The following NEB variants were observed in gnomAD, a reference collection of about 807,000 sequenced individuals.
NEB encodes nebulin.
In NEB, 512 loss-of-function variants were observed where a neutral mutation model predicts 952.2. The observed-to-expected ratio is 0.54, with a 90% CI of 0.50 to 0.58. NEB has a LOEUF of 0.58. NEB is among the 20% of genes least tolerant of loss of function. The probability of loss-of-function intolerance (pLI) is 0.00; values close to 1 mark genes in which losing one functional copy is unlikely to be tolerated. For missense variants in NEB, 8,428 were observed against 9,231.1 expected, an observed-to-expected ratio of 0.91 and a Z score of 3.56; for synonymous variants, 2,900 against 3,149.8, an observed-to-expected ratio of 0.92 and a Z score of 2.66.
chr2:151,643,400 A>C (rs1427090678), intron 57 of NEB, 47 bp from the exon 58 acceptor site: 3 of 1,394,710 alleles, frequency 2.2e-6, no homozygotes, highest in Admixed American at 4.4e-5. Context: ...CATTTATCAC[A>C]ATTTGTCATA....
Position 151,619,473 on chromosome 2 carries a change from T to C in NEB, c.10850A>G (p.Lys3617Arg). 3 of 1,608,770 alleles carry C rather than the reference T, an allele frequency of 1.9e-6. No individual in the cohort carries two copies. Among genetic ancestry groups the C allele is most frequent in the Non-Finnish European group, 2.6e-6 (3 of 1,175,990 alleles). ...TACGTCACTCTGGAGGTCATAGGCT[T>C]TCCGTGCATGAATGATGTCATTCTG... ...PDQNDIIHAR[K>R]AYDLQSDNLY... is the part of the protein sequence containing the mutation. The change falls in exon 73 of 182, where the codon AAA becomes AGA. Residue 3617 changes from lysine to arginine, a missense_variant. Lys to Arg is a conservative substitution (Grantham distance 26). Coordinates refer to ENST00000397345, the MANE Select transcript of NEB (RefSeq NM_001164508.2).
At chr2:151,514,258 T>C in intron 159 of NEB, 60 bp downstream of exon 159, 1 of 1,208,260 alleles carries the variant, frequency 8.3e-7, no homozygotes, top group Non-Finnish European at 1.2e-6. Flanking sequence ...CTGGTGTAAT[T>C]TGGCTAACAA....
Position 151,516,563 on chromosome 2 carries a change from C to T in NEB, c.22801G>A (p.Val7601Met). Residue 7601 changes from valine (V) to methionine (M), a missense_variant and splice_region_variant, in exon 157 of 182, where the codon GTG (valine) becomes ATG (methionine). By Grantham distance (21) the Val-to-Met change is conservative. Around this residue, in one of 11 missense-constraint regions of NEB, gnomAD observed 3,374 missense variants for 3,651.5 expected, o/e 0.92. Transcript: ENST00000397345. Reference sequence around the variant, plus strand: ...TTTTCATACTTTTCTTTGTATTTCACCTGGTGATAGAAAGCCATGTTAGAT... The same window carrying T: ...TTTTCATACTTTTCTTTGTATTTCATCTGGTGATAGAAAGCCATGTTAGAT... ...LKEATELQSIVKYKEKYEKER... is the reference protein window; with the variant it reads ...LKEATELQSIMKYKEKYEKER... 6.3e-7 allele frequency: 1 copy of T among 1,595,056 alleles called. No individual in the cohort carries two copies. Among genetic ancestry groups the T allele is most frequent in the Non-Finnish European group, 8.6e-7 (1 of 1,164,480 alleles).
chr2:151,658,953 C>A, intron 47 of NEB, 112 bp downstream of exon 47: 2 of 891,868 alleles, frequency 2.2e-6, no homozygotes, highest in Non-Finnish European at 3.8e-6. Context: ...TGGATTTCCA[C>A]CATTATTTTT....
intron 13 of NEB, among the ~76,000 whole-genome samples, chr2:151,704,015 T>C (rs1276960746): frequency 1.7e-5 from 2 of 119,728 alleles, no homozygotes; most frequent in Non-Finnish European, 3.4e-5. Flanking sequence ...TCTTTGATGA[T>C]GGTGATGTAC....
chr2:151,518,413 T>G lies in NEB; in HGVS notation c.22705A>C (p.Lys7569Gln), dbSNP rs899661421. 1 of 1,602,334 alleles carries G rather than the reference T, an allele frequency of 6.2e-7. No individual in the cohort carries two copies. The highest frequency in any genetic ancestry group is 1.3e-5 in the African/African-American group (1 of 74,604). The change falls in exon 156 of 182, where the codon AAG becomes CAG. Residue 7569 changes from lysine to glutamine, a missense_variant. Transcript: ENST00000397345. ...TSQLASSYQYKKKYEKSKGHY... is the reference protein window; with the variant it reads ...TSQLASSYQYQKKYEKSKGHY... ...CCTTTACTCTTCTCATACTTCTTCT[T>G]GTACTGGTACTGAGGGGAAGGCGGC...
intron 45 of NEB, 87 bp from the exon 46 acceptor site, chr2:151,662,428 T>A (rs772793727): frequency 3.4e-6 from 4 of 1,167,044 alleles, no homozygotes; most frequent in Non-Finnish European, 4.7e-6. Flanking sequence ...GTAACTTCCA[T>A]TTCATTTGTA....
chr2:151,697,848 C>T (rs146743760), intron 13 of NEB, among the ~76,000 whole-genome samples, 200 bp from the exon 14 acceptor site: 33 of 152,240 alleles, frequency 2.2e-4, no homozygotes, highest in Middle Eastern at 3.4e-3. Context: ...GGGCGGATCA[C>T]GAGGTCAGGA....
At position 151,732,378 on chromosome 2, in the gene NEB, A is replaced by T. The variant is rs149957861; in HGVS notation, c.36+743T>A. 3.9e-5 allele frequency among the ~76,000 whole-genome samples: 6 copies of T among 152,330 alleles called. No homozygotes were observed. In the East Asian group the frequency reaches 1.2e-3, roughly 29 times the overall value. On this transcript the variant is annotated intron_variant, in intron 3 of 181. Transcript: ENST00000397345. The stretch of plus-strand genomic sequence containing the variant: ...CAAAAGGATGTAAAATAAATATAAA[A>T]TAAATGATTAACAGCTTTGTAAAAT...
intron 140 of NEB, 93 bp from the exon 141 acceptor site, chr2:151,537,329 CCCCTT>C (rs1280811390): frequency 1.5e-6 from 1 of 687,858 alleles, no homozygotes; most frequent in Non-Finnish European, 2.6e-6. Context: ...AGAAGCACTA[CCCCTT>C]GAGGTATATA....
At position 151,533,427 on chromosome 2, in the gene NEB, C is replaced by G; in HGVS notation, c.21417+15G>C. On this transcript the variant is annotated intron_variant, in intron 143 of 181. Transcript: ENST00000397345. ...TTCTTCTAAACCTCCTTCTTCACAT[C>G]CCATCAGACATTACCTGGCTCCACA... 6.6e-7 allele frequency: 1 copy of G among 1,516,706 alleles called. No homozygotes were observed. The highest frequency in any genetic ancestry group is 9.0e-7 in the Non-Finnish European group (1 of 1,115,364). 94.0% of individuals were successfully genotyped at this position (1,516,706 alleles called of 1,614,324 possible).
rs185184424 is a variant in NEB at position 151,641,796 on chromosome 2, A to T, written c.8373+778T>A. ...AGACAAAAGAAATGGAAAGATAAAA[A>T]TTTTTAGAAATGTGAGCAAATCCTT... is the stretch of plus-strand genomic sequence containing the variant. On this transcript the variant is annotated intron_variant, in intron 60 of 181. Transcript: ENST00000397345. 5.3e-5 allele frequency among the ~76,000 whole-genome samples: 8 copies of T among 152,344 alleles called. No homozygotes were observed. In the East Asian group the frequency reaches 5.8e-4, roughly 11 times the overall value.
At position 151,609,918 on chromosome 2, in the gene NEB, T is replaced by A. The variant is rs1257852959; in HGVS notation, c.12221A>T (p.Gln4074Leu). Residue 4074 changes from glutamine (Q) to leucine (L), a missense_variant, in exon 81 of 182, where the codon CAG (glutamine) becomes CTG (leucine). By Grantham distance (113) the Gln-to-Leu change is moderately radical (BLOSUM62 -2). Coordinates refer to ENST00000397345, the MANE Select transcript of NEB (RefSeq NM_001164508.2). ...ATAATCAATGTCAGTGACCAAAGTCTGACATTTCTTGGCCAGCAAGATGCT... is the reference window on the plus strand; with the variant it reads ...ATAATCAATGTCAGTGACCAAAGTCAGACATTTCTTGGCCAGCAAGATGCT... The part of the protein sequence containing the change: ...MLSILLAKKC[Q>L]TLVTDIDYRN... 3 of 1,613,960 alleles carry A rather than the reference T, an allele frequency of 1.9e-6. No individual in the cohort carries two copies. The highest frequency in any genetic ancestry group is 2.5e-6 in the Non-Finnish European group (3 of 1,179,864).
chr2:151,719,404 A>T lies in NEB; in HGVS notation c.718-1884T>A, dbSNP rs556575602. On this transcript the variant is annotated intron_variant, in intron 9 of 181. Transcript: ENST00000397345. Reference sequence around the variant, plus strand: ...AGTGTTCTTATTTATCAAGTAAAGCAGTTGAATAATCCCAAGGTCCCAATC... The same window carrying T: ...AGTGTTCTTATTTATCAAGTAAAGCTGTTGAATAATCCCAAGGTCCCAATC... 6.6e-5 allele frequency among the ~76,000 whole-genome samples: 10 copies of T among 152,356 alleles called. No individual in the cohort carries two copies. The South Asian group carries it at 2.1e-3, about 32-fold the overall frequency.
chr2:151,498,957 AC>A (rs2062359053), intron 169 of NEB, among the ~76,000 whole-genome samples: 1 of 152,186 alleles, frequency 6.6e-6, no homozygotes, highest in Non-Finnish European at 1.5e-5. Context: ...AGAATAAGAA[AC>A]GAGGATAATA....
At chr2:151,733,091 T>C (rs1347797215) in intron 3 of NEB, 30 bp downstream of exon 3, 3 of 1,582,068 alleles carry the variant, frequency 1.9e-6, no homozygotes, top group Non-Finnish European at 2.6e-6. Context: ...TAAAATAGTT[T>C]GCTGTCAGTG....
In NEB at chr2:151,609,929, G is replaced by C. The variant is rs749556191; in HGVS notation, c.12210C>G (p.Ala4070=). The C allele has an allele frequency of 6.4e-5, 104 of 1,613,774 alleles. 1 individual carries two copies. In the East Asian group the frequency reaches 2.2e-3, roughly 34 times the overall value. Reference sequence around the variant, plus strand: ...CAGTGACCAAAGTCTGACATTTCTTGGCCAGCAAGATGCTTAACATGTCCA... The same window carrying C: ...CAGTGACCAAAGTCTGACATTTCTTCGCCAGCAAGATGCTTAACATGTCCA... ...SPVDMLSILL[A]KKCQTLVTDI... The change falls in exon 81 of 182, where the codon GCC becomes GCG. Residue 4070 remains alanine, a synonymous_variant. Transcript: ENST00000397345.
rs770214438 is a variant in NEB, at chr2:151,633,552, CCAAT to C, written c.9414+98_9414+101del. Reference sequence around the variant, plus strand: ...TTCTGATTTAAATCTTATTCATGGACCAATCAATCTTAACTTGAGTAATGGATTG... The same window carrying C: ...TTCTGATTTAAATCTTATTCATGGACCAATCTTAACTTGAGTAATGGATTG... On this transcript the variant is annotated intron_variant, in intron 65 of 181. Coordinates refer to ENST00000397345, the MANE Select transcript of NEB (RefSeq NM_001164508.2). The C allele has an allele frequency of 5.0e-4, 701 of 1,412,168 alleles. 1 individual carries two copies. The highest frequency in any genetic ancestry group is 6.1e-4 in the Non-Finnish European group (641 of 1,056,348). 87.5% of individuals were successfully genotyped at this position (1,412,168 alleles called of 1,614,324 possible). A position where few individuals can be genotyped will look rare whatever the true frequency, so the allele number is the denominator to read the frequency against.
intron 35 of NEB, 79 bp downstream of exon 35, chr2:151,675,208 C>T (rs1457286795): frequency 5.0e-6 from 5 of 1,003,926 alleles, no homozygotes; most frequent in Admixed American, 2.0e-5. Flanking sequence ...AATAAATTGT[C>T]AAGGCACCAT....
Sources: gnomAD v4.1 joint callset for allele counts (sites outside exome capture counted in the v4.1 genomes callset) on GRCh38, gnomAD v4.1.1 for gene constraint, gnomAD v4.1.1 regional missense constraint, MANE v1.5 for transcripts, NCBI Gene and HGNC (gene_info 2026-07-23, HGNC 2026-07-21) for gene names.